The following FAM163A variants were observed in gnomAD, a reference collection of about 807,000 sequenced individuals.
FAM163A encodes the protein family with sequence similarity 163 member A.
A neutral mutation model predicts 12.0 loss-of-function variants in FAM163A; 7 were observed. The ratio of observed to expected loss-of-function variants is 0.58; its 90% CI spans 0.33 to 1.10. The LOEUF (loss-of-function observed/expected upper bound fraction) is 1.10, where lower values mean the gene tolerates loss of function less well. Among genes scored for constraint, FAM163A ranks in the 50% least tolerant of loss-of-function variants. FAM163A has a pLI of 0.03. For synonymous variants in FAM163A, 101 were observed against 91.0 expected (o/e 1.11, Z -0.62); for missense variants, 202 against 218.6 (o/e 0.92, Z 0.48).
intron 1 of FAM163A, among the ~76,000 whole-genome samples, chr1:179,744,994 A>G (rs767726515): frequency 5.3e-4 from 81 of 152,316 alleles, no homozygotes; most frequent in Non-Finnish European, 1.0e-3. Flanking sequence ...ACTTGCATGT[A>G]ACAGACGTTC....
chr1:179,808,735 G>C (rs1694297076), intron 2 of FAM163A, among the ~76,000 whole-genome samples: 2 of 152,210 alleles, frequency 1.3e-5, no homozygotes, highest in South Asian at 4.1e-4. Context: ...GTACACAAGG[G>C]CATGACTGCC....
chr1:179,733,511 A>G, the FAM163A span, among the ~76,000 whole-genome samples: 1 of 152,168 alleles, frequency 6.6e-6, no homozygotes, highest in African/African-American at 2.4e-5. Flanking sequence ...ACAAGATAAA[A>G]TTAAGACCCT....
Position 179,815,070 on chromosome 1 carries a change from T to A in FAM163A, c.*881T>A. 6.5e-6 allele frequency: 1 copy of A among 153,444 alleles called. No individual in the cohort carries two copies. The highest frequency in any genetic ancestry group is 2.4e-5 in the African/African-American group (1 of 41,072). The allele number at this position is 153,444 out of a possible 1,614,324, so 9.5% of individuals were successfully genotyped here. The stretch of plus-strand genomic sequence containing the variant: ...GTGTGGATGCAGTCCTGTGAGGGTG[T>A]GCATAACCGTTCCCAGGTGTACGCA... On this transcript the variant is annotated 3_prime_UTR_variant, in exon 5 of 5. Transcript: ENST00000341785.
intron 1 of FAM163A, among the ~76,000 whole-genome samples, chr1:179,783,124 C>A (rs565666254): frequency 7.8e-6 from 1 of 127,598 alleles, no homozygotes; most frequent in Admixed American, 7.4e-5. Context: ...AGTGAAACTC[C>A]GTCTTAAAAA....
intron 1 of FAM163A, among the ~76,000 whole-genome samples, chr1:179,754,911 C>T (rs7365663): frequency 0.23 from 34,603 of 151,802 alleles, 4,577 homozygotes; most frequent in East Asian, 0.62. Context: ...CCAAGGCGGG[C>T]AGATCACTTG....
At chr1:179,771,833 G>A (rs1035140006) in intron 1 of FAM163A, among the ~76,000 whole-genome samples, 7 of 152,044 alleles carry the variant, frequency 4.6e-5, no homozygotes, top group African/African-American at 1.2e-4. Flanking sequence ...CCTGGATGCC[G>A]CTGGCCATCC....
intron 1 of FAM163A, among the ~76,000 whole-genome samples, chr1:179,750,741 G>T (rs1281496203): frequency 2.0e-5 from 3 of 152,146 alleles, no homozygotes; most frequent in Non-Finnish European, 2.9e-5. Flanking sequence ...ATTTCAAAAA[G>T]GTCACTTTGG....
At chr1:179,794,438 A>T (rs753974894) in intron 1 of FAM163A, among the ~76,000 whole-genome samples, 2 of 152,174 alleles carry the variant, frequency 1.3e-5, no homozygotes, top group African/African-American at 4.8e-5. Flanking sequence ...CATTACCAGG[A>T]TGCACCCACA....
At chr1:179,753,262 T>G (rs1383627619) in intron 1 of FAM163A, among the ~76,000 whole-genome samples, 2 of 152,094 alleles carry the variant, frequency 1.3e-5, no homozygotes, top group African/African-American at 4.8e-5. Context: ...TCTAAAATAG[T>G]CACCACAGAA....
At chr1:179,759,665 TAG>T (rs1250021660) in intron 1 of FAM163A, among the ~76,000 whole-genome samples, 1 of 150,890 alleles carries the variant, frequency 6.6e-6, no homozygotes, top group Admixed American at 6.6e-5. Flanking sequence ...AGGCAGGAAC[TAG>T]ATCCCCTTTT....
At chr1:179,743,132 G>A (rs1043620285), upstream of FAM163A, 5 of 152,362 alleles carry the variant, frequency 3.3e-5, no homozygotes, top group Non-Finnish European at 7.3e-5. Context: ...GGCGCCCGTT[G>A]CGCTGTTTGA....
chr1:179,731,448 A>G, the FAM163A span, among the ~76,000 whole-genome samples: 2 of 152,250 alleles, frequency 1.3e-5, no homozygotes, highest in Non-Finnish European at 2.9e-5. Context: ...TTCTCTAGAT[A>G]GCGATCATAA....
intron 1 of FAM163A, among the ~76,000 whole-genome samples, chr1:179,745,641 GA>G (rs1157149847): frequency 3.9e-5 from 6 of 152,194 alleles, no homozygotes; most frequent in African/African-American, 1.4e-4. Context: ...CTGGCCTGGT[GA>G]TTATTAACAT....
intron 1 of FAM163A, among the ~76,000 whole-genome samples, chr1:179,793,949 C>T (rs191961773): frequency 3.3e-5 from 5 of 152,340 alleles, no homozygotes; most frequent in East Asian, 1.9e-4. Context: ...CTTAAAGTCT[C>T]ATCTGTGAGT....
chr1:179,795,004 C>T (rs992945787), intron 1 of FAM163A, among the ~76,000 whole-genome samples: 1 of 152,170 alleles, frequency 6.6e-6, no homozygotes, highest in Non-Finnish European at 1.5e-5. Context: ...CTCTAACCAC[C>T]ACCACCTGCC....
intron 1 of FAM163A, among the ~76,000 whole-genome samples, chr1:179,767,495 G>A (rs893332763): frequency 3.9e-5 from 6 of 152,136 alleles, no homozygotes; most frequent in Non-Finnish European, 7.4e-5. Context: ...ACATCCCCCC[G>A]CATGGCTGCT....
At chr1:179,782,613 C>G (rs1224472124) in intron 1 of FAM163A, among the ~76,000 whole-genome samples, 2 of 152,202 alleles carry the variant, frequency 1.3e-5, no homozygotes. Flanking sequence ...CCCAGGCACC[C>G]TGAAGCTGCT....
At chr1:179,729,709 G>C in the FAM163A span, among the ~76,000 whole-genome samples, 21 of 152,168 alleles carry the variant, frequency 1.4e-4, no homozygotes, top group African/African-American at 4.8e-4. Flanking sequence ...TCCCCAAAGG[G>C]ATTTATTCTA....
chr1:179,812,690 G>C (rs1341082189), intron 3 of FAM163A, among the ~76,000 whole-genome samples: 1 of 152,194 alleles, frequency 6.6e-6, no homozygotes, highest in South Asian at 2.1e-4. Context: ...TCGCGAGGAT[G>C]TAGTAAGATG....
Sources: gnomAD v4.1 joint callset for allele counts (sites outside exome capture counted in the v4.1 genomes callset) on GRCh38, gnomAD v4.1.1 for gene constraint, MANE v1.5 for transcripts, NCBI Gene and HGNC (gene_info 2026-07-23, HGNC 2026-07-21) for gene names.